The following PPP2R2B variants were observed in gnomAD, a reference collection of about 807,000 sequenced individuals.
PPP2R2B encodes protein phosphatase 2 regulatory subunit Bbeta.
In PPP2R2B, 5 loss-of-function variants were observed where a neutral mutation model predicts 46.0. That is an observed-to-expected ratio of 0.11 (90% CI 0.06 to 0.23). The LOEUF (loss-of-function observed/expected upper bound fraction) is 0.23, where lower values mean the gene tolerates loss of function less well. PPP2R2B is among the 10% of genes least tolerant of loss of function. PPP2R2B has a pLI of 1.00. For missense variants in PPP2R2B, 367 were observed against 575.0 expected (o/e 0.64, Z 3.70); for synonymous variants, 215 against 206.7 (o/e 1.04, Z -0.34).
intron 5 of PPP2R2B, among the ~76,000 whole-genome samples, chr5:146,680,568 G>C (rs2151136065): frequency 6.7e-6 from 1 of 148,462 alleles, no homozygotes; most frequent in East Asian, 2.0e-4. Flanking sequence ...AAAAACCACA[G>C]CGTTGCACAC....
At chr5:146,827,147 G>A (rs1458647979) in intron 2 of PPP2R2B, among the ~76,000 whole-genome samples, 1 of 152,100 alleles carries the variant, frequency 6.6e-6, no homozygotes, top group African/African-American at 2.4e-5. Flanking sequence ...TATCATAGGG[G>A]CTTATGTGCA....
intron 2 of PPP2R2B, among the ~76,000 whole-genome samples, chr5:146,743,226 T>C (rs1310635034): frequency 1.3e-5 from 2 of 152,206 alleles, no homozygotes; most frequent in East Asian, 3.8e-4. Context: ...ATGGGTGGAA[T>C]GGCTGGGTGG....
intron 1 of PPP2R2B, among the ~76,000 whole-genome samples, chr5:147,048,308 G>C (rs1756634008): frequency 6.6e-6 from 1 of 152,170 alleles, no homozygotes; most frequent in Non-Finnish European, 1.5e-5. Flanking sequence ...TGCATACCCT[G>C]ATCTATCACA....
At chr5:146,769,172 G>C (rs144607914) in intron 2 of PPP2R2B, among the ~76,000 whole-genome samples, 3 of 152,028 alleles carry the variant, frequency 2.0e-5, no homozygotes, top group African/African-American at 7.2e-5. Context: ...CAAAGCTTTT[G>C]TAACCACCTA....
intron 2 of PPP2R2B, among the ~76,000 whole-genome samples, chr5:146,821,087 C>A (rs1758231518): frequency 6.6e-6 from 1 of 152,100 alleles, no homozygotes; most frequent in African/African-American, 2.4e-5. Context: ...TCACTCACCA[C>A]ACATCACACA....
In PPP2R2B at chr5:146,849,718, A is replaced by G. The variant is rs138387576; in HGVS notation, c.70+28284T>C. ...GACAGTAATACATCTAAGCCATGCAAAAAGGATTCAGGCTTCCTTGAAAAG... is the reference window on the plus strand; with the variant it reads ...GACAGTAATACATCTAAGCCATGCAGAAAGGATTCAGGCTTCCTTGAAAAG... On this transcript the variant is annotated intron_variant, in intron 2 of 9. Transcript: ENST00000394411. Among the ~76,000 whole-genome samples the G allele has an allele frequency of 1.5e-3, 222 of 152,340 alleles. 2 individuals carry two copies. The highest frequency in any genetic ancestry group is 2.6e-3 in the Non-Finnish European group (179 of 68,030).
intron 1 of PPP2R2B, among the ~76,000 whole-genome samples, chr5:146,915,080 C>G (rs1002482944): frequency 1.3e-5 from 2 of 152,112 alleles, no homozygotes; most frequent in Admixed American, 6.6e-5. Flanking sequence ...CTACATTGCT[C>G]TCAGATATAT....
chr5:146,863,639 T>A (rs1761136312), intron 2 of PPP2R2B, among the ~76,000 whole-genome samples: 1 of 148,674 alleles, frequency 6.7e-6, no homozygotes, highest in Non-Finnish European at 1.5e-5. Flanking sequence ...CATCCATCCA[T>A]CTATCCATCC....
intron 2 of PPP2R2B, among the ~76,000 whole-genome samples, chr5:146,829,206 A>G (rs1231649484): frequency 6.6e-6 from 1 of 152,224 alleles, no homozygotes; most frequent in Non-Finnish European, 1.5e-5. Context: ...CTTATGGGCC[A>G]AAGAACACCA....
At chr5:147,022,490 G>A (rs566800159) in intron 1 of PPP2R2B, among the ~76,000 whole-genome samples, 5 of 151,978 alleles carry the variant, frequency 3.3e-5, no homozygotes, top group Admixed American at 6.6e-5. Flanking sequence ...AACGTAGGAA[G>A]TGGAGGTTGC....
chr5:146,939,075 C>A (rs1266562632), intron 1 of PPP2R2B, among the ~76,000 whole-genome samples: 1 of 152,028 alleles, frequency 6.6e-6, no homozygotes, highest in Admixed American at 6.5e-5. Flanking sequence ...AAAATTAACT[C>A]CCTTGTCTTA....
intron 1 of PPP2R2B, among the ~76,000 whole-genome samples, chr5:146,902,076 A>T (rs1762852897): frequency 6.6e-6 from 1 of 152,210 alleles, no homozygotes; most frequent in African/African-American, 2.4e-5. Flanking sequence ...GTATGGTTGC[A>T]TGTTTGACTT....
At chr5:146,873,630 T>C (rs1761734790) in intron 2 of PPP2R2B, among the ~76,000 whole-genome samples, 1 of 152,200 alleles carries the variant, frequency 6.6e-6, no homozygotes, top group Admixed American at 6.5e-5. Flanking sequence ...ACTTTTTTTT[T>C]GAGATGGAGT....
At chr5:146,713,805 T>C (rs1229433521) in intron 2 of PPP2R2B, among the ~76,000 whole-genome samples, 2 of 152,160 alleles carry the variant, frequency 1.3e-5, no homozygotes, top group Admixed American at 6.5e-5. Context: ...ACTGAGAATA[T>C]TGTGAGTAAA....
chr5:146,601,091 T>C (rs1771737763), intron 7 of PPP2R2B, among the ~76,000 whole-genome samples: 1 of 152,218 alleles, frequency 6.6e-6, no homozygotes, highest in Non-Finnish European at 1.5e-5. Flanking sequence ...TTTTCAAGGT[T>C]CATCCATGTC....
chr5:146,731,964 C>G (rs1752257480), intron 2 of PPP2R2B, among the ~76,000 whole-genome samples: 1 of 152,112 alleles, frequency 6.6e-6, no homozygotes, highest in Non-Finnish European at 1.5e-5. Flanking sequence ...GCGTAAATAT[C>G]TCCCACTAAC....
intron 2 of PPP2R2B, among the ~76,000 whole-genome samples, chr5:146,733,676 G>T (rs192355462): frequency 2.6e-5 from 4 of 151,392 alleles, no homozygotes; most frequent in African/African-American, 9.8e-5. Context: ...GTCATAAGTA[G>T]ATCTGGGGCA....
At chr5:146,716,202 A>G (rs1479349313) in intron 2 of PPP2R2B, among the ~76,000 whole-genome samples, 2 of 152,156 alleles carry the variant, frequency 1.3e-5, no homozygotes, top group African/African-American at 2.4e-5. Flanking sequence ...CTTCAAGGCC[A>G]GCTCAAATGT....
At chr5:146,740,573 TCACACACACACACACACACACACA>T (rs3995489) in intron 2 of PPP2R2B, among the ~76,000 whole-genome samples, 6 of 138,014 alleles carry the variant, frequency 4.3e-5, no homozygotes, top group Admixed American at 7.3e-5. Context: ...TAAAATGAGA[TCACACACACACACACACACACACA>T]CACACACACA....
Sources: allele counts gnomAD v4.1 joint callset (sites outside exome capture counted in the v4.1 genomes callset), GRCh38; gene constraint gnomAD v4.1.1; transcripts MANE v1.5; gene names NCBI Gene and HGNC (gene_info 2026-07-23, HGNC 2026-07-21).